Variants in CFAP61 observed in about 807,000 individuals in gnomAD.
CFAP61 encodes the protein cilia and flagella associated protein 61.
CFAP61 carries 107 observed loss-of-function variants against 135.6 expected under a neutral mutation model. The observed-to-expected ratio is 0.79, with a 90% CI of 0.67 to 0.93. The LOEUF (loss-of-function observed/expected upper bound fraction) is 0.93. Among genes scored for constraint, CFAP61 ranks in the 40% least tolerant of loss-of-function variants. The pLI is 0.00. For missense variants in CFAP61, 1,507 were observed against 1,556.2 expected (o/e 0.97, Z 0.53); for synonymous variants, 575 against 578.5 (o/e 0.99, Z 0.09).
At chr20:20,235,087 C>T (rs1381503661) in intron 18 of CFAP61, among the ~76,000 whole-genome samples, 2 of 152,130 alleles carry the variant, frequency 1.3e-5, no homozygotes, top group Admixed American at 1.3e-4. Flanking sequence ...AGGATGCCCT[C>T]TTCCCCGAGG....
intron 16 of CFAP61, among the ~76,000 whole-genome samples, chr20:20,198,117 T>C (rs1419773501): frequency 6.6e-6 from 1 of 152,172 alleles, no homozygotes; most frequent in Non-Finnish European, 1.5e-5. Flanking sequence ...TAGACTCTGC[T>C]CTAGTTTTTT....
intron 10 of CFAP61, among the ~76,000 whole-genome samples, chr20:20,161,630 A>G (rs1169491429): frequency 6.6e-6 from 1 of 152,146 alleles, no homozygotes; most frequent in Non-Finnish European, 1.5e-5. Context: ...TTGGGCTGAA[A>G]AGCTGGGCAG....
At chr20:20,327,792 A>G (rs993141833) in intron 25 of CFAP61, among the ~76,000 whole-genome samples, 26 of 80,464 alleles carry the variant, frequency 3.2e-4, no homozygotes, top group Non-Finnish European at 5.4e-4. Context: ...AAAAAAAAAA[A>G]AAAAAAAAAA....
chr20:20,205,175 T>C (rs1312877113), intron 17 of CFAP61, among the ~76,000 whole-genome samples: 2 of 152,208 alleles, frequency 1.3e-5, no homozygotes, highest in African/African-American at 2.4e-5. Flanking sequence ...AATTTTTCGC[T>C]CTTAGAAAGG....
chr20:20,140,891 G>T (rs1469953280), intron 8 of CFAP61, among the ~76,000 whole-genome samples: 1 of 151,650 alleles, frequency 6.6e-6, no homozygotes, highest in Non-Finnish European at 1.5e-5. Flanking sequence ...CCATAAAAAA[G>T]GAAATGTTTT....
chr20:20,188,430 A>G (rs1427426354), intron 14 of CFAP61, among the ~76,000 whole-genome samples: 1 of 152,220 alleles, frequency 6.6e-6, no homozygotes, highest in Non-Finnish European at 1.5e-5. Flanking sequence ...TGCCCACCTC[A>G]GCAGCACTGG....
At chr20:20,101,602 A>C (rs889949642) in intron 8 of CFAP61, among the ~76,000 whole-genome samples, 1 of 151,332 alleles carries the variant, frequency 6.6e-6, no homozygotes, top group Admixed American at 6.6e-5. Flanking sequence ...GAGTTTTTTC[A>C]CTTTATTTTT....
At chr20:20,273,658 G>A (rs1370964308) in intron 21 of CFAP61, among the ~76,000 whole-genome samples, 1 of 152,198 alleles carries the variant, frequency 6.6e-6, no homozygotes, top group Non-Finnish European at 1.5e-5. Context: ...TCTAGTGTAG[G>A]CCACAGGCAC....
intron 25 of CFAP61, among the ~76,000 whole-genome samples, chr20:20,307,734 A>G (rs1746496057): frequency 6.6e-6 from 1 of 152,208 alleles, no homozygotes; most frequent in Non-Finnish European, 1.5e-5. Flanking sequence ...AAAAAAATTT[A>G]TTTAGAGAGA....
chr20:20,181,883 C>A (rs1020569907), intron 13 of CFAP61, among the ~76,000 whole-genome samples: 1 of 152,164 alleles, frequency 6.6e-6, no homozygotes, highest in Non-Finnish European at 1.5e-5. Flanking sequence ...GAATGTTCTC[C>A]TTCCTGGCTA....
At chr20:20,338,505 T>C (rs1189476438) in intron 25 of CFAP61, among the ~76,000 whole-genome samples, 3 of 152,228 alleles carry the variant, frequency 2.0e-5, no homozygotes, top group Non-Finnish European at 2.9e-5. Context: ...ACCCGCCTCC[T>C]CCTTGCCACC....
chr20:20,341,355 C>T (rs1486981234), intron 25 of CFAP61, among the ~76,000 whole-genome samples: 1 of 152,170 alleles, frequency 6.6e-6, no homozygotes, highest in African/African-American at 2.4e-5. Flanking sequence ...TTCAATTAAG[C>T]GTCGATGCAA....
intron 2 of CFAP61, among the ~76,000 whole-genome samples, chr20:20,068,616 G>A (rs1235610259): frequency 6.6e-6 from 1 of 152,162 alleles, no homozygotes; most frequent in Non-Finnish European, 1.5e-5. Flanking sequence ...GTGGCTGCAG[G>A]CACTGAGATT....
intron 6 of CFAP61, among the ~76,000 whole-genome samples, chr20:20,075,871 C>A (rs1319002387): frequency 6.6e-6 from 1 of 152,118 alleles, no homozygotes; most frequent in African/African-American, 2.4e-5. Context: ...TGAAAACACA[C>A]AATCCTAGGT....
At chr20:20,175,297 T>C (rs1250225498) in intron 13 of CFAP61, among the ~76,000 whole-genome samples, 4 of 152,220 alleles carry the variant, frequency 2.6e-5, no homozygotes, top group Non-Finnish European at 5.9e-5. Context: ...TTTCTTCATA[T>C]GCTCTTCAGT....
chr20:20,227,116 C>CA (rs113726351), intron 17 of CFAP61, among the ~76,000 whole-genome samples: 3,220 of 152,266 alleles, frequency 0.021, 112 homozygotes, highest in African/African-American at 0.072. Context: ...AGCGCATGGC[C>CA]ACACCCATAC....
At chr20:20,143,074 C>G in intron 9 of CFAP61, 126 bp downstream of exon 9, 1 of 617,308 alleles carries the variant, frequency 1.6e-6, no homozygotes, top group Non-Finnish European at 2.9e-6. Flanking sequence ...CAGAAAAGGC[C>G]TCACTAGCAG....
At chr20:20,266,615 C>A (rs1389363281) in intron 21 of CFAP61, among the ~76,000 whole-genome samples, 1 of 152,186 alleles carries the variant, frequency 6.6e-6, no homozygotes, top group Non-Finnish European at 1.5e-5. Flanking sequence ...CAAGAGAACC[C>A]TTGAATGAAA....
At chr20:20,153,709 A>G (rs1017999773) in intron 9 of CFAP61, among the ~76,000 whole-genome samples, 1 of 152,058 alleles carries the variant, frequency 6.6e-6, no homozygotes, top group Non-Finnish European at 1.5e-5. Flanking sequence ...TGAGATTGAA[A>G]CAATAATTTT....
Sources: gnomAD v4.1 joint callset for allele counts (sites outside exome capture counted in the v4.1 genomes callset) on GRCh38, gnomAD v4.1.1 for gene constraint, MANE v1.5 for transcripts, NCBI Gene and HGNC (gene_info 2026-07-23, HGNC 2026-07-21) for gene names.